NRXN3: variants seen among roughly 807,000 people sequenced by gnomAD.
NRXN3 encodes the protein neurexin 3.
A neutral mutation model predicts 137.6 loss-of-function variants in NRXN3; 32 were observed. That is an observed-to-expected ratio of 0.23 (90% CI 0.18 to 0.31). The LOEUF (loss-of-function observed/expected upper bound fraction) is 0.31, where lower values mean the gene tolerates loss of function less well. NRXN3 is among the 10% of genes least tolerant of loss of function. The pLI, the probability that NRXN3 is intolerant of heterozygous loss-of-function variation, is 1.00. For missense variants in NRXN3, 1,574 were observed against 2,062.5 expected, an observed-to-expected ratio of 0.76 and a Z score of 4.59; for synonymous variants, 798 against 784.5, an observed-to-expected ratio of 1.02 and a Z score of -0.29.
chr14:79,050,893 A>G (rs1259184717), intron 15 of NRXN3, among the ~76,000 whole-genome samples: 1 of 152,198 alleles, frequency 6.6e-6, no homozygotes, highest in Non-Finnish European at 1.5e-5. Flanking sequence ...AATAAATAAT[A>G]TGATACAAAT....
intron 10 of NRXN3, among the ~76,000 whole-genome samples, chr14:78,836,863 A>G (rs1433577741): frequency 3.3e-5 from 5 of 152,172 alleles, no homozygotes; most frequent in Non-Finnish European, 4.4e-5. Flanking sequence ...CTGATGTTCT[A>G]CAGTGTTCCA....
rs2061354851 is a variant in NRXN3 at position 79,167,155 on chromosome 14, A to G, written c.3262+179014A>G. 2.0e-5 allele frequency among the ~76,000 whole-genome samples: 3 copies of G among 152,188 alleles called. No individual in the cohort carries two copies. In the South Asian group the frequency reaches 6.2e-4, roughly 32 times the overall value. On this transcript the variant is annotated intron_variant, in intron 15 of 20. Coordinates refer to ENST00000335750, the MANE Select transcript of NRXN3 (RefSeq NM_001330195.2). ...TTTGTGCTATTTTCAAGTAATATGA[A>G]TGTTACAGTGATGGTGGCCACATGA...
At chr14:79,206,045 T>G (rs559317591) in intron 15 of NRXN3, among the ~76,000 whole-genome samples, 1 of 152,340 alleles carries the variant, frequency 6.6e-6, no homozygotes, top group African/African-American at 2.4e-5. Context: ...CACACCATTC[T>G]GCCCTCATAA....
At chr14:78,351,786 T>C (rs1023471046) in intron 4 of NRXN3, among the ~76,000 whole-genome samples, 8 of 150,344 alleles carry the variant, frequency 5.3e-5, no homozygotes, top group Non-Finnish European at 1.2e-4. Flanking sequence ...ATTTTTCTTT[T>C]TTTTTTTTTT....
intron 1 of NRXN3, among the ~76,000 whole-genome samples, chr14:78,225,013 G>A (rs2064353649): frequency 6.6e-6 from 1 of 152,060 alleles, no homozygotes; most frequent in Non-Finnish European, 1.5e-5. Context: ...TGATCCACCT[G>A]CCTCGGCCTC....
chr14:79,045,372 G>A (rs1456880046), intron 15 of NRXN3, among the ~76,000 whole-genome samples: 1 of 152,154 alleles, frequency 6.6e-6, no homozygotes, highest in Non-Finnish European at 1.5e-5. Flanking sequence ...GCACCTTCCT[G>A]TTTGCCAGAG....
chr14:79,034,618 A>G (rs904275200), intron 15 of NRXN3, among the ~76,000 whole-genome samples: 1 of 152,146 alleles, frequency 6.6e-6, no homozygotes, highest in African/African-American at 2.4e-5. Flanking sequence ...ACAAGGTGTT[A>G]TGATGTCTTG....
chr14:79,043,972 A>G (rs960361724), intron 15 of NRXN3, among the ~76,000 whole-genome samples: 1 of 152,224 alleles, frequency 6.6e-6, no homozygotes, highest in African/African-American at 2.4e-5. Flanking sequence ...GCTTTGCAGC[A>G]TCTGAGGATG....
intron 15 of NRXN3, among the ~76,000 whole-genome samples, chr14:79,337,072 T>C (rs1031630376): frequency 2.1e-4 from 32 of 152,336 alleles, no homozygotes; most frequent in African/African-American, 7.2e-4. Flanking sequence ...TCCAATTCTG[T>C]CGTATATTTC....
At chr14:78,296,397 C>T (rs1233913278) in intron 3 of NRXN3, among the ~76,000 whole-genome samples, 1 of 152,198 alleles carries the variant, frequency 6.6e-6, no homozygotes, top group Non-Finnish European at 1.5e-5. Context: ...CTGTTCTGTT[C>T]CTGTTCCCCT....
chr14:79,374,021 G>A (rs560077715), intron 15 of NRXN3, among the ~76,000 whole-genome samples: 1 of 152,168 alleles, frequency 6.6e-6, no homozygotes, highest in South Asian at 2.1e-4. Context: ...TCTATTTGTA[G>A]CAGAGTAACT....
In NRXN3 at chr14:79,710,866, A is replaced by G. The variant is rs561792863; in HGVS notation, c.4014+12929A>G. ...ACTTTGGAGAAATAAAGAATGAAAT[A>G]GAAATTTTTCTGCTTTAGAGGAACA... On this transcript the variant is annotated intron_variant, in intron 19 of 20. Coordinates refer to ENST00000335750, the MANE Select transcript of NRXN3 (RefSeq NM_001330195.2). 1.9e-4 allele frequency among the ~76,000 whole-genome samples: 29 copies of G among 152,332 alleles called. No homozygotes were observed. The East Asian group carries it at 5.6e-3, about 29-fold the overall frequency.
chr14:79,306,007 T>A (rs2085987167), intron 15 of NRXN3, among the ~76,000 whole-genome samples: 1 of 152,096 alleles, frequency 6.6e-6, no homozygotes, highest in Admixed American at 6.6e-5. Context: ...ACAGTTGCGT[T>A]CCAGTGTGAA....
chr14:79,617,052 G>T (rs2098164779), intron 16 of NRXN3, among the ~76,000 whole-genome samples: 1 of 152,046 alleles, frequency 6.6e-6, no homozygotes, highest in African/African-American at 2.4e-5. Flanking sequence ...GCATTGCTTA[G>T]ATCCGTCCCA....
At chr14:79,814,265 C>T (rs757822391) in intron 20 of NRXN3, among the ~76,000 whole-genome samples, 2 of 152,190 alleles carry the variant, frequency 1.3e-5, no homozygotes, top group Non-Finnish European at 1.5e-5. Context: ...AAGCATGTGT[C>T]TCTTGTTTGG....
chr14:79,670,623 AT>A (rs2153997737), intron 17 of NRXN3, among the ~76,000 whole-genome samples: 1 of 152,216 alleles, frequency 6.6e-6, no homozygotes, highest in South Asian at 2.1e-4. Context: ...CTTAAGCTAT[AT>A]TTGTATGCTC....
chr14:78,902,339 T>C (rs2099199361), intron 10 of NRXN3, among the ~76,000 whole-genome samples: 1 of 152,122 alleles, frequency 6.6e-6, no homozygotes. Context: ...TGGGATGTGT[T>C]TGGTCACCAC....
chr14:79,170,706 T>C (rs888728892), intron 15 of NRXN3, among the ~76,000 whole-genome samples: 1 of 152,146 alleles, frequency 6.6e-6, no homozygotes, highest in Non-Finnish European at 1.5e-5. Flanking sequence ...TCTCTGCACA[T>C]TTGTTTCTGC....
chr14:79,660,954 C>T (rs1000714165), intron 16 of NRXN3, among the ~76,000 whole-genome samples: 3 of 151,954 alleles, frequency 2.0e-5, no homozygotes, highest in East Asian at 1.9e-4. Flanking sequence ...GCATGAGGGT[C>T]GTGGGCAGTG....
Sources: gnomAD v4.1 joint callset for allele counts (sites outside exome capture counted in the v4.1 genomes callset) on GRCh38, gnomAD v4.1.1 for gene constraint, MANE v1.5 for transcripts, NCBI Gene and HGNC (gene_info 2026-07-23, HGNC 2026-07-21) for gene names.